DARS1: variants seen among roughly 807,000 people sequenced by gnomAD.
DARS1 encodes the protein aspartate--tRNA ligase, cytoplasmic.
In DARS1, 51 loss-of-function variants were observed where a neutral mutation model predicts 68.8. The observed-to-expected ratio is 0.74, with a 90% CI of 0.59 to 0.94. The LOEUF (loss-of-function observed/expected upper bound fraction) is 0.94. DARS1 is among the 40% of genes least tolerant of loss of function. The pLI is 0.00. For synonymous variants in DARS1, 203 were observed against 190.4 expected (o/e 1.07, Z -0.55); for missense variants, 607 against 597.3 (o/e 1.02, Z -0.17).
chr2:135,984,689 T>C (rs540813797), intron 1 of DARS1, among the ~76,000 whole-genome samples: 1 of 152,316 alleles, frequency 6.6e-6, no homozygotes, highest in East Asian at 1.9e-4. Flanking sequence ...AACTCAGAAC[T>C]CCTTATAGAA....
At chr2:135,921,125 T>C (rs1482448211) in intron 9 of DARS1, among the ~76,000 whole-genome samples, 1 of 148,542 alleles carries the variant, frequency 6.7e-6, no homozygotes, top group African/African-American at 2.5e-5. Context: ...TAATATCCAG[T>C]CCAGCCTTAA....
chr2:135,942,420 C>T (rs1319536113), intron 5 of DARS1, among the ~76,000 whole-genome samples: 6 of 147,854 alleles, frequency 4.1e-5, no homozygotes, highest in Non-Finnish European at 5.9e-5. Flanking sequence ...AACCAAACAC[C>T]GCATGTTCTC....
chr2:135,965,602 C>T (rs1226224618), intron 3 of DARS1, among the ~76,000 whole-genome samples: 1 of 152,204 alleles, frequency 6.6e-6, no homozygotes, highest in Non-Finnish European at 1.5e-5. Context: ...GAATTAAAAT[C>T]GTAAAACCGT....
At chr2:135,944,112 A>G (rs1681666547) in intron 4 of DARS1, among the ~76,000 whole-genome samples, 1 of 148,050 alleles carries the variant, frequency 6.8e-6, no homozygotes, top group African/African-American at 2.6e-5. Context: ...TATTTTTATA[A>G]TAACTTGAAT....
intron 3 of DARS1, among the ~76,000 whole-genome samples, chr2:135,962,783 A>C (rs765207703): frequency 3.3e-5 from 5 of 152,260 alleles, no homozygotes; most frequent in Non-Finnish European, 7.3e-5. Context: ...GGAGTTTTAA[A>C]ATATTGGAAG....
intron 4 of DARS1, among the ~76,000 whole-genome samples, chr2:135,949,299 CCTCT>C (rs907134645): frequency 1.4e-4 from 21 of 152,184 alleles, no homozygotes; most frequent in South Asian, 6.2e-4. Flanking sequence ...CACTCACTGT[CCTCT>C]CTAACAGTCA....
At chr2:135,975,145 C>A (rs1014257570) in intron 3 of DARS1, among the ~76,000 whole-genome samples, 1 of 151,168 alleles carries the variant, frequency 6.6e-6, no homozygotes, top group Non-Finnish European at 1.5e-5. Flanking sequence ...GAGATCGAGA[C>A]CATTCTGGCT....
intron 3 of DARS1, among the ~76,000 whole-genome samples, chr2:135,974,702 C>T (rs1204484096): frequency 6.6e-6 from 1 of 152,130 alleles, no homozygotes; most frequent in African/African-American, 2.4e-5. Context: ...TACTAGAGAA[C>T]CTACTAGTAT....
At chr2:135,985,309 A>T (rs1045608292) in intron 1 of DARS1, 94 bp downstream of exon 1, 1 of 1,490,662 alleles carries the variant, frequency 6.7e-7, no homozygotes, top group African/African-American at 1.4e-5. Flanking sequence ...CGTGCCGACA[A>T]GGACCTGTAG....
At chr2:135,938,183 G>A (rs905725391) in intron 5 of DARS1, among the ~76,000 whole-genome samples, 1 of 152,078 alleles carries the variant, frequency 6.6e-6, no homozygotes. Flanking sequence ...GGCTTTGTTC[G>A]TTTCTTTTTA....
In DARS1 at chr2:135,965,967, G is replaced by A. The variant is rs78793088; in HGVS notation, c.218-4469C>T. ...AGACCAAGCTCTTGTCATGTATTAG[G>A]AAACAAAATTGTTCTTTCTTTGGCT... On this transcript the variant is annotated intron_variant, in intron 3 of 15. Coordinates refer to ENST00000264161, the MANE Select transcript of DARS1 (RefSeq NM_001349.4). Among the ~76,000 whole-genome samples the A allele has an allele frequency of 8.4e-3, 1,274 of 152,266 alleles. 14 individuals carry two copies. Among genetic ancestry groups the A allele is most frequent in the African/African-American group, 0.027 (1,130 of 41,560 alleles).
chr2:135,965,569 G>C (rs578007469), intron 3 of DARS1, among the ~76,000 whole-genome samples: 6 of 152,088 alleles, frequency 3.9e-5, no homozygotes, highest in Non-Finnish European at 8.8e-5. Flanking sequence ...ATATAAAATC[G>C]AATTATTACT....
intron 3 of DARS1, among the ~76,000 whole-genome samples, chr2:135,963,704 G>A (rs1682150644): frequency 7.4e-6 from 1 of 135,970 alleles, no homozygotes; most frequent in South Asian, 2.3e-4. Context: ...TTTTGAGATG[G>A]CATCTCGCTC....
intron 5 of DARS1, among the ~76,000 whole-genome samples, chr2:135,941,299 G>T (rs939746997): frequency 1.3e-5 from 2 of 152,142 alleles, no homozygotes; most frequent in South Asian, 4.1e-4. Flanking sequence ...CATGGTACTG[G>T]TACCAAAACA....
chr2:135,911,179 G>C lies in DARS1; in HGVS notation c.1374C>G (p.Ser458=), dbSNP rs1803167. Residue 458 remains serine (S), a synonymous_variant, in exon 15 of 16, where the codon TCC becomes TCG. Transcript: ENST00000264161. ...CATGAGGAGGGGCTCCAAAGCGGAA[G>C]GAATCAATGTAAGCCTTAATTTTCT... ...DLEKIKAYID[S]FRFGAPPHAG... 7.1e-6 allele frequency: 11 copies of C among 1,549,504 alleles called. No individual in the cohort carries two copies. In the African/African-American group the frequency reaches 1.1e-4, roughly 15 times the overall value.
At chr2:135,922,632 T>C in intron 9 of DARS1, 152 bp downstream of exon 9, 13 of 1,205,768 alleles carry the variant, frequency 1.1e-5, no homozygotes, top group Non-Finnish European at 1.4e-5. Context: ...AAATATATTA[T>C]CTCTAACTCA....
intron 7 of DARS1, among the ~76,000 whole-genome samples, chr2:135,930,030 G>A (rs1681307954): frequency 1.3e-5 from 2 of 152,092 alleles, no homozygotes; most frequent in African/African-American, 4.8e-5. Flanking sequence ...GAGTTAAGGG[G>A]CTAACAGTCT....
rs1312008531 is a variant in DARS1 at position 135,981,674 on chromosome 2, C to CTTTTTTTTTTTTTTTTTT, written c.124+1722_124+1723insAAAAAAAAAAAAAAAAAA. Among the ~76,000 whole-genome samples the CTTTTTTTTTTTTTTTTTT allele has an allele frequency of 8.5e-5, 12 of 140,552 alleles. 1 individual carries two copies. Among genetic ancestry groups the CTTTTTTTTTTTTTTTTTT allele is most frequent in the African/African-American group, 2.6e-4 (10 of 37,752 alleles). The allele number at this position is 140,552 out of a possible 152,430, so 92.2% of individuals were successfully genotyped here. On this transcript the variant is annotated intron_variant, in intron 2 of 15. Transcript: ENST00000264161. ...TGGAAATGATTTTCAGAAATTTTGGCTTTTTTTTTTTTTTGACAGGGTCTC... is the reference window on the plus strand; with the variant it reads ...TGGAAATGATTTTCAGAAATTTTGGCTTTTTTTTTTTTTTTTTTTTTTTTTTTTTTTTGACAGGGTCTC...
chr2:135,935,247 T>G (rs1249037612), intron 5 of DARS1, among the ~76,000 whole-genome samples: 1 of 152,122 alleles, frequency 6.6e-6, no homozygotes, highest in Non-Finnish European at 1.5e-5. Flanking sequence ...ACATCTCATT[T>G]CCTGCCAGTC....
Sources: allele counts gnomAD v4.1 joint callset (sites outside exome capture counted in the v4.1 genomes callset), GRCh38; gene constraint gnomAD v4.1.1; transcripts MANE v1.5; gene names NCBI Gene and HGNC (gene_info 2026-07-23, HGNC 2026-07-21).